Variants in DLG2 observed in about 807,000 individuals in gnomAD.
DLG2 encodes discs large MAGUK scaffold protein 2.
DLG2 carries 45 observed loss-of-function variants against 132.5 expected under a neutral mutation model. The ratio of observed to expected loss-of-function variants is 0.34; its 90% CI spans 0.27 to 0.44. DLG2 has a LOEUF of 0.44. Ranked by LOEUF, DLG2 falls within the 20% of genes least tolerant of loss-of-function variation. The pLI, the probability that DLG2 is intolerant of heterozygous loss-of-function variation, is 1.00. For synonymous variants in DLG2, 424 were observed against 419.6 expected (o/e 1.01, Z -0.13); for missense variants, 1,045 against 1,196.9 (o/e 0.87, Z 1.87).
At chr11:84,784,938 T>C (rs2072603164) in intron 6 of DLG2, among the ~76,000 whole-genome samples, 1 of 152,024 alleles carries the variant, frequency 6.6e-6, no homozygotes, top group Non-Finnish European at 1.5e-5. Flanking sequence ...GCCAAGAGAG[T>C]TGGTGTAAAG....
rs147035120 is a variant in DLG2, at chr11:84,092,755, C to T, written c.749+6168G>A. ...TGTTTCCTAGAAAATTACCACAAAC[C>T]GGCTGGGTACGGTGGCTCACACCTG... On this transcript the variant is annotated intron_variant, in intron 10 of 27. Coordinates refer to ENST00000376104, the MANE Select transcript of DLG2 (RefSeq NM_001142699.3). Among the ~76,000 whole-genome samples, 30 of 152,122 alleles carry T rather than the reference C, an allele frequency of 2.0e-4. No homozygotes were observed. In the East Asian group the frequency reaches 4.9e-3, roughly 25 times the overall value.
intron 9 of DLG2, among the ~76,000 whole-genome samples, chr11:84,130,161 T>G (rs2094354336): frequency 6.6e-6 from 1 of 151,740 alleles, no homozygotes; most frequent in South Asian, 2.1e-4. Flanking sequence ...AATTACAATC[T>G]CAAGAAGGGG....
chr11:84,143,455 C>G (rs2094940845), intron 9 of DLG2, among the ~76,000 whole-genome samples: 1 of 152,130 alleles, frequency 6.6e-6, no homozygotes, highest in African/African-American at 2.4e-5. Context: ...TTAATTTAAG[C>G]TAAGTCTATA....
chr11:83,856,627 A>G (rs1055214701), intron 16 of DLG2, among the ~76,000 whole-genome samples: 1 of 152,120 alleles, frequency 6.6e-6, no homozygotes, highest in African/African-American at 2.4e-5. Flanking sequence ...GGCCACATCT[A>G]TGTCATCTTC....
At chr11:84,754,738 C>A (rs1228501431) in intron 6 of DLG2, among the ~76,000 whole-genome samples, 1 of 152,118 alleles carries the variant, frequency 6.6e-6, no homozygotes, top group Non-Finnish European at 1.5e-5. Flanking sequence ...TTTGTTGAAA[C>A]CCACAGAATG....
At chr11:84,228,784 G>A (rs1180216483) in intron 8 of DLG2, among the ~76,000 whole-genome samples, 1 of 152,302 alleles carries the variant, frequency 6.6e-6, no homozygotes, top group East Asian at 1.9e-4. Context: ...CCCAATGCTT[G>A]TAATGAAATC....
chr11:83,747,305 T>C (rs2092983876), intron 18 of DLG2, among the ~76,000 whole-genome samples: 1 of 149,302 alleles, frequency 6.7e-6, no homozygotes, highest in Admixed American at 6.7e-5. Flanking sequence ...CCTTCCTTCC[T>C]TCCTTCCTTC....
chr11:83,529,232 G>A (rs2095680018), intron 21 of DLG2, among the ~76,000 whole-genome samples: 5 of 152,016 alleles, frequency 3.3e-5, no homozygotes, highest in Admixed American at 3.3e-4. Flanking sequence ...AGAGAATGAG[G>A]CCCCTGCATC....
At chr11:85,024,268 A>C (rs1214821335) in intron 6 of DLG2, among the ~76,000 whole-genome samples, 1 of 152,158 alleles carries the variant, frequency 6.6e-6, no homozygotes, top group Non-Finnish European at 1.5e-5. Flanking sequence ...GCAACCCAAG[A>C]ACCAGGAGCT....
intron 9 of DLG2, among the ~76,000 whole-genome samples, chr11:84,128,555 C>T (rs1454476352): frequency 3.3e-5 from 5 of 152,084 alleles, no homozygotes; most frequent in Non-Finnish European, 4.4e-5. Context: ...ATATGTATGA[C>T]TGGGTAAATC....
At chr11:84,771,017 G>A (rs1270332752) in intron 6 of DLG2, among the ~76,000 whole-genome samples, 1 of 152,080 alleles carries the variant, frequency 6.6e-6, no homozygotes, top group Non-Finnish European at 1.5e-5. Flanking sequence ...TCTTTATCCA[G>A]ACAACTATTT....
rs2079923431 is a variant in DLG2, at chr11:84,837,156, C to T, written c.357+274505G>A. The stretch of plus-strand genomic sequence containing the variant: ...TGACCATGACTGTATTAGCTATATA[C>T]ATTTCAATCAAAACAGTTTTACAAA... On this transcript the variant is annotated intron_variant, in intron 6 of 27. Coordinates refer to ENST00000376104, the MANE Select transcript of DLG2 (RefSeq NM_001142699.3). Among the ~76,000 whole-genome samples, 12 of 151,908 alleles carry T rather than the reference C, an allele frequency of 7.9e-5. No individual in the cohort carries two copies. The South Asian group carries it at 2.5e-3, about 32-fold the overall frequency.
chr11:85,061,470 GCTGCTTCTGA>G (rs2064128101), intron 6 of DLG2, among the ~76,000 whole-genome samples: 1 of 151,792 alleles, frequency 6.6e-6, no homozygotes, highest in African/African-American at 2.4e-5. Context: ...CAACAAATGT[GCTGCTTCTGA>G]AGGCATATCC....
chr11:84,625,608 G>T (rs6592193), intron 6 of DLG2, among the ~76,000 whole-genome samples: 42,832 of 152,004 alleles, frequency 0.28, 7,859 homozygotes, highest in African/African-American at 0.52. Flanking sequence ...GGAGGAAAAT[G>T]ATAAAAATAT....
At chr11:83,562,347 G>A (rs2096626046) in intron 19 of DLG2, among the ~76,000 whole-genome samples, 2 of 152,116 alleles carry the variant, frequency 1.3e-5, no homozygotes, top group Admixed American at 1.3e-4. Context: ...GTGGTGCACT[G>A]AGACTCACCC....
At chr11:85,018,352 C>G (rs192647191) in intron 6 of DLG2, among the ~76,000 whole-genome samples, 2 of 152,126 alleles carry the variant, frequency 1.3e-5, no homozygotes, top group Admixed American at 1.3e-4. Context: ...TTTATATGTA[C>G]CTGGAAGGGG....
intron 6 of DLG2, among the ~76,000 whole-genome samples, chr11:85,061,416 G>T (rs147276222): frequency 5.1e-4 from 78 of 151,854 alleles, no homozygotes; most frequent in African/African-American, 1.8e-3. Flanking sequence ...TGGCCTAGAT[G>T]AGTTACAGAA....
At chr11:84,834,722 G>A (rs1469449693) in intron 6 of DLG2, among the ~76,000 whole-genome samples, 1 of 150,652 alleles carries the variant, frequency 6.6e-6, no homozygotes, top group African/African-American at 2.4e-5. Context: ...TCATAGGAGA[G>A]CTGCTGTAAG....
At chr11:84,334,038 G>A (rs2098472842) in intron 7 of DLG2, among the ~76,000 whole-genome samples, 1 of 152,104 alleles carries the variant, frequency 6.6e-6, no homozygotes, top group African/African-American at 2.4e-5. Flanking sequence ...TACATATGCT[G>A]TAGGCTGGGC....
Sources: gnomAD v4.1 joint callset for allele counts (sites outside exome capture counted in the v4.1 genomes callset) on GRCh38, gnomAD v4.1.1 for gene constraint, MANE v1.5 for transcripts, NCBI Gene and HGNC (gene_info 2026-07-23, HGNC 2026-07-21) for gene names.